METAP1: variants seen among roughly 807,000 people sequenced by gnomAD.
METAP1 encodes the protein methionine aminopeptidase 1.
In METAP1, 28 loss-of-function variants were observed where a neutral mutation model predicts 53.8. That is an observed-to-expected ratio of 0.52 (90% CI 0.39 to 0.71). METAP1 has a LOEUF of 0.71. METAP1 is among the 30% of genes least tolerant of loss of function. The pLI, the probability that METAP1 is intolerant of heterozygous loss-of-function variation, is 0.00. For synonymous variants in METAP1, 181 were observed against 165.7 expected, an observed-to-expected ratio of 1.09 and a Z score of -0.71; for missense variants, 389 against 479.8, an observed-to-expected ratio of 0.81 and a Z score of 1.77.
chr4:99,039,286 T>G, intron 4 of METAP1, 88 bp from the exon 5 acceptor site: 1 of 742,750 alleles, frequency 1.3e-6, no homozygotes, highest in Non-Finnish European at 2.3e-6. Flanking sequence ...GTGAGACTAC[T>G]GTTTTTATGC....
chr4:99,001,430 A>G lies in METAP1; in HGVS notation c.114+5563A>G, dbSNP rs544020882. ...AATCAATTACCCAGAGATGATTTCT[A>G]TGAAATTTTGGTGTGTATTCTTAAG... On this transcript the variant is annotated intron_variant, in intron 1 of 10. Transcript: ENST00000296411. Among the ~76,000 whole-genome samples, 78 of 152,368 alleles carry G rather than the reference A, an allele frequency of 5.1e-4. 1 individual carries two copies. The South Asian group carries it at 0.013, about 26-fold the overall frequency.
chr4:98,999,939 A>G (rs1722842884), intron 1 of METAP1, among the ~76,000 whole-genome samples: 1 of 152,188 alleles, frequency 6.6e-6, no homozygotes, highest in Non-Finnish European at 1.5e-5. Flanking sequence ...CTTCCTATTT[A>G]ATAGTTTATG....
At chr4:99,041,934 G>T (rs896123147) in intron 6 of METAP1, among the ~76,000 whole-genome samples, 7 of 151,788 alleles carry the variant, frequency 4.6e-5, no homozygotes, top group African/African-American at 1.7e-4. Flanking sequence ...TCATATGTTA[G>T]TATAAGACGT....
chr4:98,995,980 C>T lies in METAP1; in HGVS notation c.114+113C>T, dbSNP rs549394867. 54 of 846,348 alleles carry T rather than the reference C, an allele frequency of 6.4e-5. No individual in the cohort carries two copies. The African/African-American group carries it at 8.1e-4, about 13-fold the overall frequency. 52.4% of individuals were successfully genotyped at this position (846,348 alleles called of 1,614,324 possible). A position where few individuals can be genotyped will look rare whatever the true frequency, so the allele number is the denominator to read the frequency against. The stretch of plus-strand genomic sequence containing the variant: ...GTCGGGACGCGCTCCTCCTCTTCCC[C>T]CCGGCCGCGTTTCCTCCTCCCCCCA... On this transcript the variant is annotated intron_variant, in intron 1 of 10. Transcript: ENST00000296411.
intron 6 of METAP1, 68 bp downstream of exon 6, chr4:99,041,194 A>G: frequency 9.4e-7 from 1 of 1,062,890 alleles, no homozygotes; most frequent in Non-Finnish European, 1.4e-6. Context: ...CTTAAACATT[A>G]AGTAGATTTA....
At chr4:99,061,124 G>T in intron 10 of METAP1, 30 bp from the exon 11 acceptor site, 1 of 1,596,834 alleles carries the variant, frequency 6.3e-7, no homozygotes, top group South Asian at 1.1e-5. Flanking sequence ...AAAACTGAGT[G>T]AACTAAGAAA....
At chr4:99,014,602 G>T (rs990999634) in intron 1 of METAP1, among the ~76,000 whole-genome samples, 2 of 152,128 alleles carry the variant, frequency 1.3e-5, no homozygotes, top group South Asian at 2.1e-4. Flanking sequence ...AACACCTGTC[G>T]CATCTAGGTG....
At chr4:99,005,851 A>T (rs1207059593) in intron 1 of METAP1, 1 of 399,206 alleles carries the variant, frequency 2.5e-6, no homozygotes, top group Non-Finnish European at 4.9e-6. Context: ...TCTCGCTTAC[A>T]AGTAGGAGCT....
intron 1 of METAP1, chr4:99,022,946 G>T: frequency 6.7e-7 from 1 of 1,489,232 alleles, no homozygotes. Context: ...AGAAGGTTGC[G>T]GACATGTAGG....
At chr4:99,028,415 C>T (rs1724738873) in intron 1 of METAP1, among the ~76,000 whole-genome samples, 1 of 152,086 alleles carries the variant, frequency 6.6e-6, no homozygotes, top group African/African-American at 2.4e-5. Flanking sequence ...CCTCACACAG[C>T]TTATGGCCTC....
intron 4 of METAP1, among the ~76,000 whole-genome samples, chr4:99,036,352 A>G (rs1172632768): frequency 1.3e-5 from 2 of 152,092 alleles, no homozygotes; most frequent in Admixed American, 6.6e-5. Flanking sequence ...ATGATAGCCT[A>G]CTGTTGAGGA....
chr4:99,021,921 T>C (rs1724136088), intron 1 of METAP1, among the ~76,000 whole-genome samples: 1 of 152,176 alleles, frequency 6.6e-6, no homozygotes, highest in South Asian at 2.1e-4. Context: ...CCTGGGAATA[T>C]ACACATCCTA....
chr4:98,997,634 A>T (rs1438704962), intron 1 of METAP1, among the ~76,000 whole-genome samples: 1 of 152,192 alleles, frequency 6.6e-6, no homozygotes, highest in Non-Finnish European at 1.5e-5. Flanking sequence ...GTAGTGTGAA[A>T]CCACATTCAT....
At chr4:99,010,845 C>T (rs77918595) in intron 1 of METAP1, among the ~76,000 whole-genome samples, 3,303 of 152,152 alleles carry the variant, frequency 0.022, 116 homozygotes, top group African/African-American at 0.074. Context: ...CTTTTGGCAA[C>T]GTGTTGTAGT....
rs565936095 is a variant in METAP1 at position 99,006,307 on chromosome 4, A to AT, written c.114+10446dup. On this transcript the variant is annotated intron_variant, in intron 1 of 10. Transcript: ENST00000296411. Reference sequence around the variant, plus strand: ...AGACAAGGAACTATGTTTTCCTTGAATTTTTTATAATTTTACTGAGTTTCT... The same window carrying AT: ...AGACAAGGAACTATGTTTTCCTTGAATTTTTTTATAATTTTACTGAGTTTCT... Among the ~76,000 whole-genome samples the AT allele has an allele frequency of 6.6e-5, 10 of 152,332 alleles. No individual in the cohort carries two copies. In the South Asian group the frequency reaches 1.9e-3, roughly 28 times the overall value.
chr4:99,047,075 A>G (rs1046723902), intron 8 of METAP1, among the ~76,000 whole-genome samples: 1 of 151,988 alleles, frequency 6.6e-6, no homozygotes, highest in African/African-American at 2.4e-5. Context: ...TCTTTTTTGG[A>G]AAGTGCTTTG....
At position 99,045,167 on chromosome 4, in the gene METAP1, A is replaced by G. The variant is rs2110383401; in HGVS notation, c.656-12A>G. ...ATAAGTATGGTCTTTATATTTGCAC[A>G]TTCTCTTGCAGTGGATATCACTCTT... On this transcript the variant is annotated splice_polypyrimidine_tract_variant and intron_variant, in intron 7 of 10. Coordinates refer to ENST00000296411, the MANE Select transcript of METAP1 (RefSeq NM_015143.3). 6.2e-7 allele frequency: 1 copy of G among 1,611,546 alleles called. No homozygotes were observed. The highest frequency in any genetic ancestry group is 8.5e-7 in the Non-Finnish European group (1 of 1,178,468).
intron 1 of METAP1, chr4:99,023,200 T>A (rs1159998791): frequency 1.9e-6 from 1 of 513,442 alleles, no homozygotes; most frequent in Non-Finnish European, 3.2e-6. Flanking sequence ...ATTTGCATGG[T>A]TAAATCACAA....
chr4:99,012,514 A>T (rs1380891891), intron 1 of METAP1, among the ~76,000 whole-genome samples: 3 of 151,834 alleles, frequency 2.0e-5, no homozygotes, highest in Non-Finnish European at 4.4e-5. Flanking sequence ...ACGTCAGGTG[A>T]TCTGCCCCGC....
Sources: allele counts gnomAD v4.1 joint callset (sites outside exome capture counted in the v4.1 genomes callset), GRCh38; gene constraint gnomAD v4.1.1; transcripts MANE v1.5; gene names NCBI Gene and HGNC (gene_info 2026-07-23, HGNC 2026-07-21).